SMAD6: variants seen among roughly 807,000 people sequenced by gnomAD.
The protein encoded by SMAD6 is SMAD family member 6.
In SMAD6, 103 loss-of-function variants were observed where a neutral mutation model predicts 39.4. That is an observed-to-expected ratio of 2.62 (90% confidence interval 2.23 to 3.08). SMAD6 has a LOEUF of 3.08. Among genes scored for constraint, SMAD6 ranks in the 30% most tolerant of loss-of-function variants. The probability of loss-of-function intolerance (pLI) is 0.00; values close to 1 mark genes in which losing one functional copy is unlikely to be tolerated. For missense variants in SMAD6, 1,104 were observed against 742.9 expected, an observed-to-expected ratio of 1.49 and a Z score of -5.65; for synonymous variants, 445 against 353.3, an observed-to-expected ratio of 1.26 and a Z score of -2.91.
chr15:66,766,556 A>G (rs917115476), intron 3 of SMAD6, among the ~76,000 whole-genome samples: 1 of 152,188 alleles, frequency 6.6e-6, no homozygotes, highest in African/African-American at 2.4e-5. Flanking sequence ...CTGGATTCCC[A>G]CAGGAGACCC....
chr15:66,766,921 A>G (rs4390543), intron 3 of SMAD6, among the ~76,000 whole-genome samples: 30,232 of 152,122 alleles, frequency 0.2, 3,494 homozygotes, highest in East Asian at 0.33. Flanking sequence ...CTTGGCAATA[A>G]AAGACCAAAT....
rs536698348 is a variant in SMAD6, at chr15:66,774,175, G to C, written c.953-6822G>C. Among the ~76,000 whole-genome samples, 4 of 152,334 alleles carry C rather than the reference G, an allele frequency of 2.6e-5. No homozygotes were observed. The East Asian group carries it at 7.7e-4, about 29-fold the overall frequency. ...TGGCCAAAAGGAAAGCGGGGAGCCGGAGGAAAGCAGGCTGCAGTTTATGCT... is the reference window on the plus strand; with the variant it reads ...TGGCCAAAAGGAAAGCGGGGAGCCGCAGGAAAGCAGGCTGCAGTTTATGCT... On this transcript the variant is annotated intron_variant, in intron 3 of 3. Transcript: ENST00000288840.
At chr15:66,756,419 G>A (rs774336446) in intron 3 of SMAD6, among the ~76,000 whole-genome samples, 4 of 152,070 alleles carry the variant, frequency 2.6e-5, no homozygotes, top group African/African-American at 4.8e-5. Context: ...CTGCTATTCC[G>A]TTTAACAGGG....
rs1892995232 is a variant in SMAD6 at position 66,702,578 on chromosome 15, T to G, written c.-681T>G. ...GGGATTTTTACAGCTTCCACTCATG[T>G]GTTGACACCCGCGTCCAGGAGAAAC... On this transcript the variant is annotated 5_prime_UTR_variant, in exon 1 of 4. Coordinates refer to ENST00000288840, the MANE Select transcript of SMAD6 (RefSeq NM_005585.5). 1 of 152,584 alleles carries G rather than the reference T, an allele frequency of 6.6e-6. No individual in the cohort carries two copies. Among genetic ancestry groups the G allele is most frequent in the African/African-American group, 2.4e-5 (1 of 41,444 alleles). 9.5% of individuals were successfully genotyped at this position (152,584 alleles called of 1,614,324 possible). A position where few individuals can be genotyped will look rare whatever the true frequency, so the allele number is the denominator to read the frequency against.
chr15:66,737,723 C>G (rs1893738841), intron 3 of SMAD6, among the ~76,000 whole-genome samples: 1 of 151,354 alleles, frequency 6.6e-6, no homozygotes, highest in Admixed American at 6.6e-5. Flanking sequence ...AAAAAAAAAG[C>G]AAGTGAGCCA....
intron 3 of SMAD6, among the ~76,000 whole-genome samples, chr15:66,720,534 C>A (rs573764407): frequency 1.4e-4 from 22 of 152,148 alleles, no homozygotes; most frequent in Non-Finnish European, 2.8e-4. Flanking sequence ...GGAGGCGGCA[C>A]ACTGGGCAAG....
intron 1 of SMAD6, 24 bp downstream of exon 1, chr15:66,704,099 G>T: frequency 7.1e-7 from 1 of 1,417,654 alleles, no homozygotes; most frequent in Non-Finnish European, 9.2e-7. Flanking sequence ...GCCGGCCGGG[G>T]GGGCCCCGGG....
chr15:66,777,875 TG>T (rs1251510695), intron 3 of SMAD6, among the ~76,000 whole-genome samples: 1 of 152,178 alleles, frequency 6.6e-6, no homozygotes, highest in African/African-American at 2.4e-5. Flanking sequence ...GTCCCTTAGC[TG>T]GATGGCTGGG....
At position 66,781,224 on chromosome 15, in the gene SMAD6, A is replaced by C; in HGVS notation, c.1180A>C (p.Ser394Arg). 6.2e-7 allele frequency: 1 copy of C among 1,608,872 alleles called. No individual in the cohort carries two copies. Among genetic ancestry groups the C allele is most frequent in the Non-Finnish European group, 8.5e-7 (1 of 1,179,716 alleles). Reference sequence around the variant, plus strand: ...CAAGATCGGCTTCGGCATCCTGCTCAGCAAGGAGCCCGACGGCGTGTGGGC... The same window carrying C: ...CAAGATCGGCTTCGGCATCCTGCTCCGCAAGGAGCCCGACGGCGTGTGGGC... ...RSKIGFGILL[S>R]KEPDGVWAYN... The change falls in exon 4 of 4, where the codon AGC becomes CGC. Residue 394 changes from serine to arginine, a missense_variant. Coordinates refer to ENST00000288840, the MANE Select transcript of SMAD6 (RefSeq NM_005585.5).
intron 3 of SMAD6, among the ~76,000 whole-genome samples, chr15:66,717,772 C>T (rs866974454): frequency 1.3e-5 from 2 of 152,156 alleles, no homozygotes; most frequent in South Asian, 2.1e-4. Flanking sequence ...TCCTGGGCTG[C>T]GGTGGTCCTG....
intron 1 of SMAD6, chr15:66,705,595 A>C (rs1595758867): frequency 6.7e-6 from 1 of 149,314 alleles, no homozygotes; most frequent in African/African-American, 2.5e-5. Flanking sequence ...GGTCCCTTCC[A>C]CTCTCGTAGA....
chr15:66,755,581 G>A (rs1216458486), intron 3 of SMAD6, among the ~76,000 whole-genome samples: 1 of 152,142 alleles, frequency 6.6e-6, no homozygotes, highest in Non-Finnish European at 1.5e-5. Flanking sequence ...CGGTGCTCAG[G>A]GTCAGGATCT....
chr15:66,747,472 G>T lies in SMAD6; in HGVS notation c.952+30974G>T, dbSNP rs1011385957. Among the ~76,000 whole-genome samples, 1 of 152,258 alleles carries T rather than the reference G, an allele frequency of 6.6e-6. No homozygotes were observed. The highest frequency in any genetic ancestry group is 6.5e-5 in the Admixed American group (1 of 15,286). On this transcript the variant is annotated intron_variant, in intron 3 of 3. Coordinates refer to ENST00000288840, the MANE Select transcript of SMAD6 (RefSeq NM_005585.5). This position sits in a 1 kb window ranked among gnomAD's most constrained non-coding sequence, Gnocchi z 4.5. ...GGGCCCTGGCCCCCTTCTCTTCTGGGTGTTCCCTCAGGGCGTTCAGGGGCT... is the reference window on the plus strand; with the variant it reads ...GGGCCCTGGCCCCCTTCTCTTCTGGTTGTTCCCTCAGGGCGTTCAGGGGCT...
chr15:66,730,562 C>T (rs1893609096), intron 3 of SMAD6, among the ~76,000 whole-genome samples: 1 of 152,194 alleles, frequency 6.6e-6, no homozygotes. Context: ...GCCCTGGCGC[C>T]TAGCATGGCC....
Position 66,711,675 on chromosome 15 carries a change from G to GC in SMAD6, c.827dup (p.Pro277ThrfsTer26). 1 of 1,613,732 alleles carries GC rather than the reference G, an allele frequency of 6.2e-7. No individual in the cohort carries two copies. Reference sequence around the variant, plus strand: ...CTGTCTCCTGTCTTCCAGAATCTCCGCCACCTCCCTACTCTCGGCTGTCTC... The same window carrying GC: ...CTGTCTCCTGTCTTCCAGAATCTCCGCCCACCTCCCTACTCTCGGCTGTCTC... On this transcript the variant is annotated frameshift_variant, in exon 2 of 4. Transcript: ENST00000288840. LOFTEE classifies it high-confidence loss of function.
chr15:66,724,383 C>T (rs1448817636), intron 3 of SMAD6, among the ~76,000 whole-genome samples: 1 of 152,140 alleles, frequency 6.6e-6, no homozygotes, highest in African/African-American at 2.4e-5. Context: ...AAGATCATCA[C>T]ACATATTTAA....
intron 3 of SMAD6, among the ~76,000 whole-genome samples, chr15:66,721,753 T>C (rs1893436278): frequency 6.6e-6 from 1 of 152,206 alleles, no homozygotes; most frequent in Non-Finnish European, 1.5e-5. Flanking sequence ...TGCATAGGGC[T>C]AGGGGCACAG....
At chr15:66,751,455 A>G (rs984526009) in intron 3 of SMAD6, among the ~76,000 whole-genome samples, 1 of 152,116 alleles carries the variant, frequency 6.6e-6, no homozygotes, top group Non-Finnish European at 1.5e-5. Context: ...ATGCCCTCCC[A>G]TGGACCTCCC....
chr15:66,769,040 G>C (rs997068793), intron 3 of SMAD6, among the ~76,000 whole-genome samples: 1 of 152,204 alleles, frequency 6.6e-6, no homozygotes, highest in Non-Finnish European at 1.5e-5. Flanking sequence ...AGTGACAGTG[G>C]TGTCTGGATG....
Sources: gnomAD v4.1 joint callset for allele counts (sites outside exome capture counted in the v4.1 genomes callset) on GRCh38, gnomAD v4.1.1 for gene constraint, Gnocchi (gnomAD v3.1) non-coding constraint, MANE v1.5 for transcripts, NCBI Gene and HGNC (gene_info 2026-07-23, HGNC 2026-07-21) for gene names.